BMPR1B: variants seen among roughly 807,000 people sequenced by gnomAD.
BMPR1B encodes bone morphogenetic protein receptor type 1B.
A neutral mutation model predicts 59.1 loss-of-function variants in BMPR1B; 12 were observed. The ratio of observed to expected loss-of-function variants is 0.20; its 90% confidence interval spans 0.13 to 0.33. The LOEUF is 0.33. Ranked by LOEUF, BMPR1B falls within the 10% of genes least tolerant of loss-of-function variation. The pLI is 1.00. For missense variants in BMPR1B, 550 were observed against 610.9 expected, an observed-to-expected ratio of 0.90 and a Z score of 1.05; for synonymous variants, 237 against 207.3, an observed-to-expected ratio of 1.14 and a Z score of -1.23.
At chr4:95,127,490 CTGCTTA>C (rs1732992399) in intron 8 of BMPR1B, among the ~76,000 whole-genome samples, 1 of 151,994 alleles carries the variant, frequency 6.6e-6, no homozygotes, top group Admixed American at 6.6e-5. Flanking sequence ...AGATGCAAAA[CTGCTTA>C]TGTTAGGAAA....
chr4:95,005,374 A>C (rs536615767), intron 3 of BMPR1B, among the ~76,000 whole-genome samples: 1 of 152,332 alleles, frequency 6.6e-6, no homozygotes, highest in Admixed American at 6.5e-5. Flanking sequence ...ATACTGGTTT[A>C]GAAATACCAT....
chr4:95,112,017 TGAA>T (rs1276234104), intron 4 of BMPR1B, among the ~76,000 whole-genome samples: 2 of 152,090 alleles, frequency 1.3e-5, no homozygotes, highest in Non-Finnish European at 2.9e-5. Context: ...CACTGGTGAC[TGAA>T]TATCTTGTGC....
chr4:94,959,664 G>T (rs1422897649), intron 2 of BMPR1B, among the ~76,000 whole-genome samples: 4 of 152,020 alleles, frequency 2.6e-5, no homozygotes, highest in African/African-American at 9.7e-5. Context: ...ATATGTAGTT[G>T]GGTTCCATTT....
At chr4:94,943,412 C>T (rs1263716544) in intron 2 of BMPR1B, among the ~76,000 whole-genome samples, 1 of 152,184 alleles carries the variant, frequency 6.6e-6, no homozygotes, top group Non-Finnish European at 1.5e-5. Flanking sequence ...GCGTGAGCCA[C>T]CGTGTCTGCC....
At chr4:94,762,644 C>A (rs1446182289) in intron 1 of BMPR1B, among the ~76,000 whole-genome samples, 1 of 151,972 alleles carries the variant, frequency 6.6e-6, no homozygotes, top group Non-Finnish European at 1.5e-5. Context: ...TGTTGAACAC[C>A]CTGGAGGATT....
intron 11 of BMPR1B, 132 bp from the exon 12 acceptor site, chr4:95,152,511 A>T (rs1472647634): frequency 1.4e-6 from 1 of 704,712 alleles, no homozygotes; most frequent in East Asian, 3.1e-5. Context: ...TTCAAGATTT[A>T]TTTTGCTATT....
At chr4:94,987,689 A>T (rs1410179835) in intron 2 of BMPR1B, among the ~76,000 whole-genome samples, 2 of 150,282 alleles carry the variant, frequency 1.3e-5, no homozygotes, top group East Asian at 3.9e-4. Flanking sequence ...CACTTTTTTG[A>T]CCCCCCCTCG....
At chr4:94,944,667 T>G (rs1443873134) in intron 2 of BMPR1B, among the ~76,000 whole-genome samples, 1 of 152,242 alleles carries the variant, frequency 6.6e-6, no homozygotes, top group Admixed American at 6.5e-5. Flanking sequence ...ACTTTTTGGT[T>G]AGTTCTAGTG....
chr4:95,096,932 TTAAA>T (rs540896964), intron 3 of BMPR1B, among the ~76,000 whole-genome samples: 1,923 of 142,962 alleles, frequency 0.013, 43 homozygotes, highest in African/African-American at 0.046. Context: ...TTAAATCAAA[TTAAA>T]TATATGTAAC....
intron 3 of BMPR1B, among the ~76,000 whole-genome samples, chr4:95,094,161 A>G (rs1020262686): frequency 3.3e-5 from 5 of 152,086 alleles, no homozygotes; most frequent in Non-Finnish European, 7.4e-5. Context: ...GACACCGTCA[A>G]GTACTCTGGG....
At chr4:95,127,439 A>T (rs1000570984) in intron 8 of BMPR1B, among the ~76,000 whole-genome samples, 1 of 152,190 alleles carries the variant, frequency 6.6e-6, no homozygotes, top group East Asian at 1.9e-4. Flanking sequence ...GTCAAAACTT[A>T]TAATTAAATT....
At chr4:95,120,764 C>T (rs1032086664) in intron 6 of BMPR1B, among the ~76,000 whole-genome samples, 1 of 146,726 alleles carries the variant, frequency 6.8e-6, no homozygotes. Flanking sequence ...TCTCTCTCTC[C>T]CTCCCTTCCT....
Position 94,932,543 on chromosome 4 carries a change from T to C in BMPR1B, c.-113+56643T>C, listed in dbSNP as rs117001026. ...TCAATTTGAAGGATGAGATTCTCTT[T>C]AGCAGAGCTTGTAAAAATATCCATT... is the stretch of plus-strand genomic sequence containing the variant. On this transcript the variant is annotated intron_variant, in intron 2 of 12. Transcript: ENST00000515059. Among the ~76,000 whole-genome samples the C allele has an allele frequency of 9.8e-3, 1,494 of 152,268 alleles. 47 individuals carry two copies. Among genetic ancestry groups the C allele is most frequent in the Admixed American group, 0.062 (943 of 15,280 alleles).
chr4:95,027,680 A>G (rs1724521934), intron 3 of BMPR1B, among the ~76,000 whole-genome samples: 1 of 152,198 alleles, frequency 6.6e-6, no homozygotes, highest in South Asian at 2.1e-4. Flanking sequence ...AAACTATCTT[A>G]AATATAATAG....
chr4:94,825,688 T>G (rs1288783937), intron 1 of BMPR1B, among the ~76,000 whole-genome samples: 1 of 152,172 alleles, frequency 6.6e-6, no homozygotes, highest in Non-Finnish European at 1.5e-5. Context: ...GCAATAGTTC[T>G]GGGGAGTAAA....
At chr4:94,997,021 A>T (rs1252849995) in intron 3 of BMPR1B, among the ~76,000 whole-genome samples, 1 of 152,204 alleles carries the variant, frequency 6.6e-6, no homozygotes. Flanking sequence ...CTCATGAAAT[A>T]TATATACTTG....
At chr4:94,996,926 G>C (rs910718398) in intron 3 of BMPR1B, among the ~76,000 whole-genome samples, 1 of 152,108 alleles carries the variant, frequency 6.6e-6, no homozygotes, top group Admixed American at 6.6e-5. Flanking sequence ...CTTCATTATG[G>C]TTTTTCATAT....
rs375093361 is a variant in BMPR1B, at chr4:94,966,944, A to AAG, written c.-112-29088_-112-29087dup. Among the ~76,000 whole-genome samples the AAG allele has an allele frequency of 6.4e-3, 974 of 152,288 alleles. 3 individuals carry two copies. The highest frequency in any genetic ancestry group is 0.011 in the Non-Finnish European group (743 of 68,018). ...GGGAACAAATTCTGGAAGTTCTATG[A>AAG]AGAGAGAGACGGTCCTTGGGGAAAT... On this transcript the variant is annotated intron_variant, in intron 2 of 12. Coordinates refer to ENST00000515059, the MANE Select transcript of BMPR1B (RefSeq NM_001203.3).
intron 3 of BMPR1B, among the ~76,000 whole-genome samples, chr4:95,017,816 A>T (rs761242683): frequency 3.3e-5 from 5 of 152,156 alleles, no homozygotes; most frequent in Admixed American, 6.5e-5. Context: ...TCTACATTTT[A>T]TTCTTCAGGA....
Sources: gnomAD v4.1 joint callset for allele counts (sites outside exome capture counted in the v4.1 genomes callset) on GRCh38, gnomAD v4.1.1 for gene constraint, MANE v1.5 for transcripts, NCBI Gene and HGNC (gene_info 2026-07-23, HGNC 2026-07-21) for gene names.